Variants in ZNF211 observed in about 807,000 individuals in gnomAD.
The protein encoded by ZNF211 is zinc finger protein 211.
ZNF211 carries 18 observed loss-of-function variants against 12.1 expected under a neutral mutation model. The observed-to-expected ratio is 1.48, with a 90% CI of 1.03 to 2.20. ZNF211 has a LOEUF of 2.20. Ranked by LOEUF, ZNF211 falls within the 30% of genes most tolerant of loss-of-function variation. The pLI is 0.00. For missense variants in ZNF211, 677 were observed against 703.1 expected (o/e 0.96, Z 0.42); for synonymous variants, 249 against 246.0 (o/e 1.01, Z -0.11).
chr19:57,637,895 CT>C (rs777707976), intron 3 of ZNF211, among the ~76,000 whole-genome samples: 8,160 of 131,526 alleles, frequency 0.062, 253 homozygotes, highest in East Asian at 0.11. Flanking sequence ...TAAGGTTTGT[CT>C]TTTTTTTTTT....
At position 57,641,333 on chromosome 19, in the gene ZNF211, A is replaced by G. The variant is rs755725792; in HGVS notation, c.886A>G (p.Arg296Gly). 7 of 1,614,108 alleles carry G rather than the reference A, an allele frequency of 4.3e-6. No individual in the cohort carries two copies. The African/African-American group carries it at 9.3e-5, about 22-fold the overall frequency. Residue 296 changes from arginine (R) to glycine (G), a missense_variant, in exon 4 of 4, where the codon AGG becomes GGG. Arg to Gly is a moderately radical substitution (Grantham distance 125). Transcript: ENST00000240731. ...GCACCAGAAAGTCCACAGTGAAGAA[A>G]GGCCTTATGAATGCAATGAATGTGG... ...IQHQKVHSEE[R>G]PYECNECGKF...
intron 2 of ZNF211, 90 bp from the exon 3 acceptor site, chr19:57,634,539 G>T (rs1981890855): frequency 7.1e-7 from 1 of 1,414,918 alleles, no homozygotes; most frequent in Admixed American, 2.5e-5. Flanking sequence ...TTCTGACTTG[G>T]GGATCTTGGG....
rs776017005 is a variant in ZNF211 at position 57,641,046 on chromosome 19, G to C, written c.599G>C (p.Cys200Ser). The C allele has an allele frequency of 2.5e-6, 4 of 1,614,194 alleles. No individual in the cohort carries two copies. The South Asian group carries it at 4.4e-5, about 18-fold the overall frequency. ...IVHVSEKPFT[C>S]REIRKDFLAN... is the part of the protein sequence containing the mutation. Reference sequence around the variant, plus strand: ...CATGTGTCGGAGAAACCCTTTACCTGCAGGGAGATCAGGAAAGACTTCCTG... The same window carrying C: ...CATGTGTCGGAGAAACCCTTTACCTCCAGGGAGATCAGGAAAGACTTCCTG... Residue 200 changes from cysteine to serine, a missense_variant, in exon 4 of 4, where the codon TGC (cysteine) becomes TCC (serine). By Grantham distance (112) the Cys-to-Ser change is moderately radical (BLOSUM62 -1). Transcript: ENST00000240731.
chr19:57,639,982 G>A, intron 3 of ZNF211: 1 of 1,535,932 alleles, frequency 6.5e-7, no homozygotes, highest in South Asian at 1.2e-5. Context: ...TTCTTCACAG[G>A]ATGTTCATGA....
chr19:57,641,700 C>T lies in ZNF211; in HGVS notation c.1253C>T (p.Ser418Phe). 1.2e-6 allele frequency: 2 copies of T among 1,614,112 alleles called. No homozygotes were observed. Among genetic ancestry groups the T allele is most frequent in the South Asian group, 1.1e-5 (1 of 91,082 alleles). Reference protein sequence around the residue: ...RPHECNECGKSFSRSSSLIHH... With the variant: ...RPHECNECGKFFSRSSSLIHH... The stretch of plus-strand genomic sequence containing the variant: ...CATGAGTGCAATGAATGTGGAAAAT[C>T]CTTTAGCCGAAGCTCCAGCCTCATT... Residue 418 changes from serine to phenylalanine, a missense_variant, in exon 4 of 4, where the codon TCC (serine) becomes TTC (phenylalanine). Coordinates refer to ENST00000240731, the MANE Select transcript of ZNF211 (RefSeq NM_006385.5).
chr19:57,637,608 T>G (rs1008659925), intron 3 of ZNF211, among the ~76,000 whole-genome samples: 1 of 152,200 alleles, frequency 6.6e-6, no homozygotes, highest in African/African-American at 2.4e-5. Context: ...TATCTGGTCG[T>G]AGTGCATAAT....
Position 57,642,184 on chromosome 19 carries a change from G to C in ZNF211, c.*3G>C, listed in dbSNP as rs553865197. 6.3e-7 allele frequency: 1 copy of C among 1,586,896 alleles called. No individual in the cohort carries two copies. The highest frequency in any genetic ancestry group is 1.8e-5 in the Admixed American group (1 of 56,330). ...TTCACATTGGAGAAAAGCCTTAGCT[G>C]TACTGAGAATATGCAATTTCCTTTT... On this transcript the variant is annotated 3_prime_UTR_variant, in exon 4 of 4. Transcript: ENST00000240731.
chr19:57,639,907 C>T (rs1365197628), intron 3 of ZNF211: 8 of 1,533,988 alleles, frequency 5.2e-6, no homozygotes, highest in South Asian at 1.2e-5. Flanking sequence ...CTGTCTTTCC[C>T]TTAGGACTTA....
rs893681874 is a variant in ZNF211 at position 57,642,557 on chromosome 19, G to T, written c.*376G>T. 4.9e-4 allele frequency: 87 copies of T among 176,598 alleles called. No individual in the cohort carries two copies. Among genetic ancestry groups the T allele is most frequent in the African/African-American group, 2.0e-3 (83 of 42,226 alleles). 10.9% of individuals were successfully genotyped at this position (176,598 alleles called of 1,614,324 possible). On this transcript the variant is annotated 3_prime_UTR_variant, in exon 4 of 4. Coordinates refer to ENST00000240731, the MANE Select transcript of ZNF211 (RefSeq NM_006385.5). ...TAGTCTGAGTCTTCCTCTCTGACAAGTTAGGGCATGGACTTGACCCAGCTT... is the reference window on the plus strand; with the variant it reads ...TAGTCTGAGTCTTCCTCTCTGACAATTTAGGGCATGGACTTGACCCAGCTT...
rs1982386028 is a variant in ZNF211 at position 57,638,179 on chromosome 19, A to C, written c.257-2525A>C. Among the ~76,000 whole-genome samples, 3 of 152,088 alleles carry C rather than the reference A, an allele frequency of 2.0e-5. No homozygotes were observed. In the South Asian group the frequency reaches 6.2e-4, roughly 32 times the overall value. On this transcript the variant is annotated intron_variant, in intron 3 of 3. Transcript: ENST00000240731. ...TTCCCAAAGTGCTGGAATTACAGGC[A>C]TGAGCCACTGCACCCGGCCAGGTTT...
chr19:57,640,526 G>A (rs73939924), intron 3 of ZNF211, among the ~76,000 whole-genome samples, 178 bp from the exon 4 acceptor site: 27,515 of 152,064 alleles, frequency 0.18, 2,658 homozygotes, highest in East Asian at 0.32. Context: ...ACCCTATTCC[G>A]TAACCTTAGG....
At chr19:57,638,003 A>G (rs188222426) in intron 3 of ZNF211, among the ~76,000 whole-genome samples, 44 of 151,452 alleles carry the variant, frequency 2.9e-4, no homozygotes, top group African/African-American at 7.5e-4. Flanking sequence ...GATTCAAGCA[A>G]TTCTCCTGCC....
At chr19:57,639,678 A>G (rs991534139) in intron 3 of ZNF211, among the ~76,000 whole-genome samples, 1 of 151,240 alleles carries the variant, frequency 6.6e-6, no homozygotes, top group Admixed American at 6.6e-5. Flanking sequence ...CACCCACCTC[A>G]GCCTCCCAAA....
Position 57,642,177 on chromosome 19 carries a change from C to T in ZNF211, c.1730C>T (p.Pro577Leu), listed in dbSNP as rs150496500. The T allele has an allele frequency of 5.0e-6, 8 of 1,598,650 alleles. No individual in the cohort carries two copies. In the African/African-American group the frequency reaches 1.1e-4, roughly 21 times the overall value. Residue 577 changes from proline to leucine, a missense_variant, in exon 4 of 4, where the codon CCT (proline) becomes CTT (leucine). Pro to Leu is a moderately conservative substitution (Grantham distance 98). Coordinates refer to ENST00000240731, the MANE Select transcript of ZNF211 (RefSeq NM_006385.5). ...CAGAGAGTTCACATTGGAGAAAAGCCTTAGCTGTACTGAGAATATGCAATT... is the reference window on the plus strand; with the variant it reads ...CAGAGAGTTCACATTGGAGAAAAGCTTTAGCTGTACTGAGAATATGCAATT... ...QHQRVHIGEK[P>L]
chr19:57,641,113 G>A lies in ZNF211; in HGVS notation c.666G>A (p.Gly222=), dbSNP rs985700291. The A allele has an allele frequency of 3.1e-6, 5 of 1,614,024 alleles. No homozygotes were observed. Among genetic ancestry groups the A allele is most frequent in the Admixed American group, 1.7e-5 (1 of 59,996 alleles). The part of the protein sequence containing the change: ...RFLHQDATQT[G]EKPNNSNKCA... Reference sequence around the variant, plus strand: ...TCCATCAAGACGCCACTCAAACAGGGGAGAAGCCAAATAACAGTAACAAGT... The same window carrying A: ...TCCATCAAGACGCCACTCAAACAGGAGAGAAGCCAAATAACAGTAACAAGT... The change falls in exon 4 of 4, where the codon GGG becomes GGA. Residue 222 remains glycine (G), a synonymous_variant. Coordinates refer to ENST00000240731, the MANE Select transcript of ZNF211 (RefSeq NM_006385.5).
chr19:57,636,415 TGTCAG>T (rs149496443), intron 3 of ZNF211, among the ~76,000 whole-genome samples: 8,654 of 152,296 alleles, frequency 0.057, 324 homozygotes, highest in South Asian at 0.097. Flanking sequence ...TTATATGTGG[TGTCAG>T]GTAAGGGACC....
rs1228007416 is a variant in ZNF211 at position 57,643,960 on chromosome 19, ATAC to A, written c.*1782_*1784del. On this transcript the variant is annotated 3_prime_UTR_variant, in exon 4 of 4. Coordinates refer to ENST00000240731, the MANE Select transcript of ZNF211 (RefSeq NM_006385.5). ...GCTGAGTGGTATATTTTTTATGGAT[ATAC>A]TATTTGTTATCCATTTGTTTATAAG... is the stretch of plus-strand genomic sequence containing the variant. 6.6e-6 allele frequency among the ~76,000 whole-genome samples: 1 copy of A among 152,148 alleles called. No homozygotes were observed. The highest frequency in any genetic ancestry group is 1.5e-5 in the Non-Finnish European group (1 of 68,022).
In ZNF211 at chr19:57,640,686, T is replaced by C; in HGVS notation, c.257-18T>C. The C allele has an allele frequency of 2.5e-6, 4 of 1,609,636 alleles. No homozygotes were observed. The highest frequency in any genetic ancestry group is 3.3e-4 in the Middle Eastern group (2 of 6,030). The stretch of plus-strand genomic sequence containing the variant: ...AATAAAGGTAACATGTACTTCACCA[T>C]GATCTCTTTACTTTTAGGTTGTTGG... On this transcript the variant is annotated intron_variant, in intron 3 of 3. Coordinates refer to ENST00000240731, the MANE Select transcript of ZNF211 (RefSeq NM_006385.5).
intron 3 of ZNF211, among the ~76,000 whole-genome samples, chr19:57,639,693 T>C (rs1271292854): frequency 1.3e-5 from 2 of 151,998 alleles, no homozygotes; most frequent in African/African-American, 4.8e-5. Context: ...CCCAAAGTGC[T>C]GAGATTACAG....
Sources: gnomAD v4.1 joint callset for allele counts (sites outside exome capture counted in the v4.1 genomes callset) on GRCh38, gnomAD v4.1.1 for gene constraint, MANE v1.5 for transcripts, NCBI Gene and HGNC (gene_info 2026-07-23, HGNC 2026-07-21) for gene names.